The following ROBO1 variants were observed in gnomAD, a reference collection of about 807,000 sequenced individuals.
The protein encoded by ROBO1 is roundabout guidance receptor 1.
Under a neutral mutation model 195.9 loss-of-function variants are expected in ROBO1, and 149 were observed. The ratio of observed to expected loss-of-function variants is 0.76; its 90% confidence interval spans 0.67 to 0.87. ROBO1 has a LOEUF of 0.87. Ranked by LOEUF, ROBO1 falls within the 40% of genes least tolerant of loss-of-function variation. The pLI is 0.00. For synonymous variants in ROBO1, 816 were observed against 733.2 expected (o/e 1.11, Z -1.82); for missense variants, 1,933 against 2,068.3 (o/e 0.93, Z 1.27).
intron 14 of ROBO1, among the ~76,000 whole-genome samples, chr3:78,663,838 T>G (rs1165553350): frequency 1.3e-5 from 2 of 152,206 alleles, no homozygotes; most frequent in Non-Finnish European, 2.9e-5. Context: ...AACACACATA[T>G]GATGTCAGTT....
At chr3:79,735,763 C>G (rs1165389002) in intron 1 of ROBO1, among the ~76,000 whole-genome samples, 1 of 150,832 alleles carries the variant, frequency 6.6e-6, no homozygotes, top group Non-Finnish European at 1.5e-5. Flanking sequence ...CCCAGCTACT[C>G]GGGAGGCTGA....
chr3:79,689,691 A>G (rs1947243293), intron 1 of ROBO1, among the ~76,000 whole-genome samples: 1 of 151,606 alleles, frequency 6.6e-6, no homozygotes, highest in African/African-American at 2.4e-5. Context: ...TCCATCTATA[A>G]TTCTATTTAA....
At chr3:78,915,030 A>G (rs1171118834) in intron 4 of ROBO1, among the ~76,000 whole-genome samples, 2 of 152,098 alleles carry the variant, frequency 1.3e-5, no homozygotes, top group African/African-American at 4.8e-5. Flanking sequence ...ACAGTGGCAA[A>G]CTGAGAAGAC....
intron 1 of ROBO1, among the ~76,000 whole-genome samples, chr3:79,621,890 TG>T (rs1312730204): frequency 1.3e-5 from 2 of 152,124 alleles, no homozygotes; most frequent in Non-Finnish European, 2.9e-5. Flanking sequence ...ACATAATGAC[TG>T]TAATAAAACC....
At chr3:78,694,917 C>G (rs916003533) in intron 8 of ROBO1, among the ~76,000 whole-genome samples, 1 of 151,926 alleles carries the variant, frequency 6.6e-6, no homozygotes, top group Non-Finnish European at 1.5e-5. Context: ...GAAATGATTC[C>G]TAAATATTTT....
At chr3:79,193,881 T>C (rs2081585888) in intron 2 of ROBO1, among the ~76,000 whole-genome samples, 1 of 151,532 alleles carries the variant, frequency 6.6e-6, no homozygotes, top group Non-Finnish European at 1.5e-5. Flanking sequence ...TCTACAATTA[T>C]AGAAACCAAG....
intron 3 of ROBO1, among the ~76,000 whole-genome samples, chr3:78,940,165 A>C (rs1180017594): frequency 6.6e-6 from 1 of 152,118 alleles, no homozygotes; most frequent in African/African-American, 2.4e-5. Context: ...CAAATTAGAA[A>C]CCAGTCTTCC....
intron 2 of ROBO1, among the ~76,000 whole-genome samples, chr3:79,316,357 A>G (rs1055630818): frequency 2.0e-5 from 3 of 152,156 alleles, no homozygotes; most frequent in Non-Finnish European, 4.4e-5. Context: ...ATTTTTGTTT[A>G]AGATGTAGGA....
intron 3 of ROBO1, among the ~76,000 whole-genome samples, chr3:79,076,052 C>G (rs1034377198): frequency 3.3e-5 from 5 of 151,094 alleles, no homozygotes; most frequent in Non-Finnish European, 7.4e-5. Context: ...AATATAATCC[C>G]TTTATGCCTT....
intron 1 of ROBO1, among the ~76,000 whole-genome samples, chr3:79,684,607 T>G (rs1947045244): frequency 6.6e-6 from 1 of 152,122 alleles, no homozygotes; most frequent in South Asian, 2.1e-4. Context: ...CATACATTTT[T>G]TATTTACCTG....
chr3:79,603,349 G>A (rs1426503269), intron 1 of ROBO1, among the ~76,000 whole-genome samples: 1 of 151,900 alleles, frequency 6.6e-6, no homozygotes. Context: ...ACATCCTTCT[G>A]GAAGAACCAA....
At chr3:78,959,150 T>C (rs1359694062) in intron 3 of ROBO1, among the ~76,000 whole-genome samples, 3 of 151,790 alleles carry the variant, frequency 2.0e-5, no homozygotes, top group Non-Finnish European at 2.9e-5. Context: ...AGAGCAAATA[T>C]CCCATCAAAA....
intron 1 of ROBO1, among the ~76,000 whole-genome samples, chr3:79,648,154 A>AC (rs746337228): frequency 5.3e-5 from 8 of 152,132 alleles, no homozygotes; most frequent in Non-Finnish European, 1.2e-4. Context: ...TTCCGGGCTA[A>AC]CCCACAGTGA....
chr3:79,589,098 A>C (rs1171091638), intron 2 of ROBO1, among the ~76,000 whole-genome samples: 1 of 151,844 alleles, frequency 6.6e-6, no homozygotes, highest in Non-Finnish European at 1.5e-5. Flanking sequence ...AAATTTTGAC[A>C]TATTAGTTGT....
intron 2 of ROBO1, among the ~76,000 whole-genome samples, chr3:79,482,973 A>ACTC (rs1938947568): frequency 6.6e-6 from 1 of 152,122 alleles, no homozygotes; most frequent in Admixed American, 6.6e-5. Context: ...GCCGAGTCAA[A>ACTC]CTCCTCAACA....
chr3:79,543,604 G>A (rs536671860), intron 2 of ROBO1, among the ~76,000 whole-genome samples: 1 of 152,126 alleles, frequency 6.6e-6, no homozygotes, highest in Admixed American at 6.6e-5. Context: ...GATTAATGCT[G>A]GGTGAATAGT....
chr3:79,198,258 C>T (rs1394917273), intron 2 of ROBO1, among the ~76,000 whole-genome samples: 3 of 152,084 alleles, frequency 2.0e-5, no homozygotes, highest in Admixed American at 2.0e-4. Context: ...CTGCATATGG[C>T]TAGCTAGTTT....
chr3:78,777,603 T>C (rs1401155118), intron 4 of ROBO1, among the ~76,000 whole-genome samples: 2 of 152,210 alleles, frequency 1.3e-5, no homozygotes, highest in African/African-American at 4.8e-5. Context: ...ACATACCTTA[T>C]CCTTTTAAGT....
chr3:79,600,269 T>G (rs192117769), intron 1 of ROBO1, among the ~76,000 whole-genome samples: 8 of 152,132 alleles, frequency 5.3e-5, no homozygotes, highest in Non-Finnish European at 1.2e-4. Context: ...ACATCAGTGT[T>G]CTAATAAGTG....
Sources: allele counts gnomAD v4.1 joint callset (sites outside exome capture counted in the v4.1 genomes callset), GRCh38; gene constraint gnomAD v4.1.1; transcripts MANE v1.5; gene names NCBI Gene and HGNC (gene_info 2026-07-23, HGNC 2026-07-21).